ARPP21: variants seen among roughly 807,000 people sequenced by gnomAD.
The protein encoded by ARPP21 is cAMP-regulated phosphoprotein 21.
ARPP21 carries 69 observed loss-of-function variants against 113.2 expected under a neutral mutation model. The observed-to-expected ratio is 0.61, with a 90% confidence interval of 0.50 to 0.74. The LOEUF (loss-of-function observed/expected upper bound fraction) is 0.74. Among genes scored for constraint, ARPP21 ranks in the 30% least tolerant of loss-of-function variants. The pLI is 0.00. For missense variants in ARPP21, 1,070 were observed against 1,037.4 expected (o/e 1.03, Z -0.43); for synonymous variants, 368 against 375.5 (o/e 0.98, Z 0.23).
chr3:35,718,452 G>T (rs1475384018), intron 13 of ARPP21, among the ~76,000 whole-genome samples: 4 of 152,138 alleles, frequency 2.6e-5, no homozygotes, highest in Non-Finnish European at 2.9e-5. Flanking sequence ...CTCACACACT[G>T]TGACCTAGTT....
intron 11 of ARPP21, among the ~76,000 whole-genome samples, chr3:35,710,932 T>C (rs1251235716): frequency 6.6e-6 from 1 of 152,230 alleles, no homozygotes; most frequent in African/African-American, 2.4e-5. Flanking sequence ...AGGCAAGTGT[T>C]GCTATTTGAA....
chr3:35,688,685 T>G (rs755864657), intron 6 of ARPP21, among the ~76,000 whole-genome samples: 1 of 151,622 alleles, frequency 6.6e-6, no homozygotes, highest in Non-Finnish European at 1.5e-5. Context: ...TAACCATACA[T>G]CTGCTTATAA....
At chr3:35,676,971 C>T (rs2149398457) in intron 1 of ARPP21, among the ~76,000 whole-genome samples, 1 of 151,960 alleles carries the variant, frequency 6.6e-6, no homozygotes, top group East Asian at 1.9e-4. Flanking sequence ...ATTTACAGAA[C>T]CATGCCCAGC....
At chr3:35,779,934 A>T (rs1415058724) in intron 19 of ARPP21, among the ~76,000 whole-genome samples, 1 of 152,182 alleles carries the variant, frequency 6.6e-6, no homozygotes, top group Non-Finnish European at 1.5e-5. Flanking sequence ...AGTAGAATTT[A>T]AAAACTGTGC....
intron 1 of ARPP21, among the ~76,000 whole-genome samples, chr3:35,650,734 C>T (rs1381942424): frequency 1.3e-5 from 2 of 151,892 alleles, no homozygotes; most frequent in Non-Finnish European, 2.9e-5. Context: ...CACCATCAAC[C>T]AAGACAAATG....
rs754810892 is a variant in ARPP21, at chr3:35,717,320, A to G, written c.958A>G (p.Ile320Val). 1.2e-6 allele frequency: 2 copies of G among 1,607,036 alleles called. No homozygotes were observed. Among genetic ancestry groups the G allele is most frequent in the Non-Finnish European group, 1.7e-6 (2 of 1,173,874 alleles). The change falls in exon 13 of 21, where the codon ATA becomes GTA. Residue 320 changes from isoleucine (I) to valine (V), a missense_variant. By Grantham distance (29) the Ile-to-Val change is conservative (BLOSUM62 3). Transcript: ENST00000684406. ...ENSRLLEDSN[I>V]CNETYKKRQL... ...CAGTAGGCTCTTGGAAGACAGTAACATATGCAATGAGACCTATAAGAAAAG... is the reference window on the plus strand; with the variant it reads ...CAGTAGGCTCTTGGAAGACAGTAACGTATGCAATGAGACCTATAAGAAAAG...
intron 1 of ARPP21, among the ~76,000 whole-genome samples, chr3:35,659,500 G>A (rs1224572232): frequency 3.3e-5 from 5 of 152,058 alleles, no homozygotes; most frequent in African/African-American, 9.7e-5. Context: ...ACATCTTGGC[G>A]GGTCCTAGAG....
chr3:35,726,371 T>C (rs2093538569), intron 14 of ARPP21, among the ~76,000 whole-genome samples: 1 of 152,232 alleles, frequency 6.6e-6, no homozygotes, highest in Non-Finnish European at 1.5e-5. Flanking sequence ...GCCTTGGTGA[T>C]TGATGTTTAC....
At chr3:35,673,683 GCTTTTATTC>G (rs1168772123) in intron 1 of ARPP21, among the ~76,000 whole-genome samples, 2 of 151,758 alleles carry the variant, frequency 1.3e-5, no homozygotes, top group Non-Finnish European at 2.9e-5. Context: ...ATTTTTGTTT[GCTTTTATTC>G]ATTTTACCTA....
intron 1 of ARPP21, among the ~76,000 whole-genome samples, chr3:35,663,418 C>A (rs1391825949): frequency 6.6e-6 from 1 of 152,256 alleles, no homozygotes; most frequent in East Asian, 1.9e-4. Flanking sequence ...ATGATTTAAT[C>A]CCCAGACAAA....
intron 13 of ARPP21, among the ~76,000 whole-genome samples, chr3:35,719,790 T>A (rs1181743255): frequency 6.6e-6 from 1 of 152,210 alleles, no homozygotes; most frequent in African/African-American, 2.4e-5. Flanking sequence ...AATAAATATT[T>A]CAAATTAGCT....
At chr3:35,738,445 G>A (rs2094484325) in intron 17 of ARPP21, 127 bp downstream of exon 17, 4 of 675,696 alleles carry the variant, frequency 5.9e-6, no homozygotes, top group South Asian at 1.8e-5. Flanking sequence ...GGGTATGTGC[G>A]AATGTCTCAT....
chr3:35,739,239 C>A, intron 17 of ARPP21, 78 bp from the exon 18 acceptor site: 2 of 1,515,786 alleles, frequency 1.3e-6, no homozygotes, highest in Non-Finnish European at 1.8e-6. Context: ...AAGAATGTGT[C>A]CTGTGTCTGC....
intron 19 of ARPP21, among the ~76,000 whole-genome samples, chr3:35,746,339 CT>C (rs2095047346): frequency 6.6e-6 from 1 of 152,170 alleles, no homozygotes; most frequent in Non-Finnish European, 1.5e-5. Context: ...GCTGGGCGTC[CT>C]TTTGTTGAGC....
chr3:35,652,179 T>C (rs1702662168), intron 1 of ARPP21, among the ~76,000 whole-genome samples: 1 of 152,126 alleles, frequency 6.6e-6, no homozygotes, highest in Admixed American at 6.6e-5. Context: ...ATTGTAGTTC[T>C]GGTGGTGATT....
In ARPP21 at chr3:35,640,202, GT is replaced by G. The variant is rs1487744234; in HGVS notation, c.-407del. ...CTGCAGAAAGCTCCTTTTACTAGCAGTTAAATAAATCGACCAAAAACAAAAC... is the reference window on the plus strand; with the variant it reads ...CTGCAGAAAGCTCCTTTTACTAGCAGTAAATAAATCGACCAAAAACAAAAC... On this transcript the variant is annotated 5_prime_UTR_variant, in exon 1 of 21. Transcript: ENST00000684406. The G allele has an allele frequency of 6.6e-6, 1 of 152,186 alleles. No individual in the cohort carries two copies. The highest frequency in any genetic ancestry group is 1.5e-5 in the Non-Finnish European group (1 of 68,114). 9.4% of individuals were successfully genotyped at this position (152,186 alleles called of 1,614,324 possible). A position where few individuals can be genotyped will look rare whatever the true frequency, so the allele number is the denominator to read the frequency against.
At chr3:35,713,248 A>T (rs202036846) in intron 11 of ARPP21, among the ~76,000 whole-genome samples, 13 of 152 alleles carry the variant, frequency 0.086, no homozygotes, top group Admixed American at 0.15. Flanking sequence ...TACTTTTTTT[A>T]AAAAAAAGTT....
At chr3:35,664,331 G>A (rs948688992) in intron 1 of ARPP21, among the ~76,000 whole-genome samples, 9 of 152,064 alleles carry the variant, frequency 5.9e-5, no homozygotes, top group Non-Finnish European at 1.2e-4. Flanking sequence ...CTCGCTATTT[G>A]GAAATATGCA....
chr3:35,731,918 C>T (rs1185137336), intron 15 of ARPP21, among the ~76,000 whole-genome samples: 1 of 152,136 alleles, frequency 6.6e-6, no homozygotes, highest in Non-Finnish European at 1.5e-5. Flanking sequence ...TACAACCATA[C>T]TTAGAAGCTG....
Sources: gnomAD v4.1 joint callset for allele counts (sites outside exome capture counted in the v4.1 genomes callset) on GRCh38, gnomAD v4.1.1 for gene constraint, MANE v1.5 for transcripts, NCBI Gene and HGNC (gene_info 2026-07-23, HGNC 2026-07-21) for gene names.